EXD3: variants seen among roughly 807,000 people sequenced by gnomAD.
The protein encoded by EXD3 is exonuclease mut-7 homolog.
A neutral mutation model predicts 98.0 loss-of-function variants in EXD3; 92 were observed. The ratio of observed to expected loss-of-function variants is 0.94; its 90% CI spans 0.79 to 1.12. The LOEUF (loss-of-function observed/expected upper bound fraction) is 1.12. Ranked by LOEUF, EXD3 falls within the 50% of genes most tolerant of loss-of-function variation. EXD3 has a pLI of 0.00. For synonymous variants in EXD3, 569 were observed against 526.0 expected, an observed-to-expected ratio of 1.08 and a Z score of -1.12; for missense variants, 1,222 against 1,191.6, an observed-to-expected ratio of 1.03 and a Z score of -0.38.
chr9:137,419,719 T>G (rs529932408), intron 1 of EXD3, among the ~76,000 whole-genome samples: 2 of 152,150 alleles, frequency 1.3e-5, no homozygotes, highest in African/African-American at 4.8e-5. Flanking sequence ...AAATTTGCAT[T>G]TTCTTCAAGG....
chr9:137,368,832 C>T (rs1157025949), intron 5 of EXD3, among the ~76,000 whole-genome samples: 1 of 151,760 alleles, frequency 6.6e-6, no homozygotes, highest in Non-Finnish European at 1.5e-5. Flanking sequence ...CCACCAGGCC[C>T]ATGGGGCGCA....
At chr9:137,338,892 CAAAAAAAA>C (rs766408966) in intron 17 of EXD3, among the ~76,000 whole-genome samples, 1 of 63,552 alleles carries the variant, frequency 1.6e-5, no homozygotes, top group African/African-American at 4.9e-5. Flanking sequence ...GACTCCATCT[CAAAAAAAA>C]AAAAAAAAAG....
At chr9:137,318,599 C>T (rs1377470632) in intron 19 of EXD3, among the ~76,000 whole-genome samples, 1 of 152,122 alleles carries the variant, frequency 6.6e-6, no homozygotes, top group African/African-American at 2.4e-5. Context: ...TGGTAGACGG[C>T]ACTGGGAACG....
chr9:137,318,945 C>T (rs986821284), intron 19 of EXD3, among the ~76,000 whole-genome samples: 1 of 152,274 alleles, frequency 6.6e-6, no homozygotes, highest in African/African-American at 2.4e-5. Flanking sequence ...GAGAGCACCC[C>T]AGCCTCGCTC....
chr9:137,312,016 G>A (rs568366716), intron 19 of EXD3, among the ~76,000 whole-genome samples: 2 of 152,302 alleles, frequency 1.3e-5, no homozygotes, highest in Admixed American at 6.5e-5. Context: ...AGGGGCTTCT[G>A]AGGGCTTGCT....
Position 137,349,181 on chromosome 9 carries a change from G to A in EXD3, c.1759C>T (p.His587Tyr), listed in dbSNP as rs764774878. 6.3e-7 allele frequency: 1 copy of A among 1,592,378 alleles called. No individual in the cohort carries two copies. Among genetic ancestry groups the A allele is most frequent in the South Asian group, 1.1e-5 (1 of 89,302 alleles). ...TTCCGTGCCCCTGGTCTCTCTCTGT[G>A]CCTGGGCCTCCGGCTCCCAGCCAGG... ...EDLAGSRRPR[H>Y]RERPGARKPP... Residue 587 changes from histidine (H) to tyrosine (Y), a missense_variant, in exon 16 of 22, where the codon CAC becomes TAC. Coordinates refer to ENST00000340951, the MANE Select transcript of EXD3 (RefSeq NM_017820.5). The surrounding 1 kb of genome is among the most constrained non-coding windows in gnomAD (Gnocchi z 7.4).
At chr9:137,314,825 T>G (rs1831556301) in intron 19 of EXD3, among the ~76,000 whole-genome samples, 2 of 152,062 alleles carry the variant, frequency 1.3e-5, no homozygotes, top group Non-Finnish European at 2.9e-5. Context: ...GCCAGGGCCC[T>G]GAGTGTGGGA....
At chr9:137,353,454 G>C in intron 10 of EXD3, 1 of 985,346 alleles carries the variant, frequency 1.0e-6, no homozygotes, top group Non-Finnish European at 1.2e-6. Context: ...CTCATTATGT[G>C]GGGTTTGGCT....
At chr9:137,362,871 C>A (rs375384103) in intron 7 of EXD3, among the ~76,000 whole-genome samples, 2 of 152,098 alleles carry the variant, frequency 1.3e-5, no homozygotes, top group African/African-American at 2.4e-5. Context: ...AGTGCAATGG[C>A]GCAATCTCGG....
At chr9:137,348,999 C>A in intron 16 of EXD3, 111 bp downstream of exon 16, 1 of 1,304,832 alleles carries the variant, frequency 7.7e-7, no homozygotes, top group Non-Finnish European at 1.0e-6. Flanking sequence ...GCTGGGCCCC[C>A]TCCACACGCT....
intron 6 of EXD3, among the ~76,000 whole-genome samples, chr9:137,367,374 C>T (rs893091216): frequency 6.6e-6 from 1 of 152,162 alleles, no homozygotes; most frequent in African/African-American, 2.4e-5. Flanking sequence ...AGGATGCGTC[C>T]CGTCCCCACC....
intron 17 of EXD3, chr9:137,345,780 A>G (rs1330137208): frequency 6.6e-6 from 1 of 152,134 alleles, no homozygotes; most frequent in Non-Finnish European, 1.5e-5. Flanking sequence ...GCATGAATCT[A>G]TGTCTGCCTC....
intron 17 of EXD3, among the ~76,000 whole-genome samples, chr9:137,330,654 G>A (rs1007572154): frequency 6.6e-6 from 1 of 152,076 alleles, no homozygotes; most frequent in Non-Finnish European, 1.5e-5. Context: ...AGCTACACAG[G>A]ACTGATGGAC....
intron 17 of EXD3, among the ~76,000 whole-genome samples, chr9:137,345,565 G>A (rs1243075461): frequency 1.3e-5 from 2 of 150,824 alleles, no homozygotes; most frequent in African/African-American, 4.9e-5. Flanking sequence ...AGGAGGCTTA[G>A]ACAGGAGAAT....
At chr9:137,335,093 A>C (rs542458851) in intron 17 of EXD3, among the ~76,000 whole-genome samples, 4 of 151,930 alleles carry the variant, frequency 2.6e-5, no homozygotes, top group South Asian at 2.1e-4. Context: ...AAAAAAAAAA[A>C]CAAACAAAAT....
chr9:137,346,193 C>T (rs201988220), intron 17 of EXD3, among the ~76,000 whole-genome samples: 3 of 127,050 alleles, frequency 2.4e-5, no homozygotes, highest in East Asian at 2.2e-4. Context: ...GAGCCGAGAT[C>T]GCACCACTGC....
chr9:137,418,942 T>C (rs1435012257), intron 1 of EXD3, among the ~76,000 whole-genome samples: 1 of 152,238 alleles, frequency 6.6e-6, no homozygotes, highest in Non-Finnish European at 1.5e-5. Context: ...TACAGTGACC[T>C]GTGGTCCTAT....
At chr9:137,321,766 C>G (rs571736789) in intron 19 of EXD3, among the ~76,000 whole-genome samples, 1 of 152,208 alleles carries the variant, frequency 6.6e-6, no homozygotes, top group Non-Finnish European at 1.5e-5. Context: ...TGATGTGGCC[C>G]TAACTGCGGA....
chr9:137,399,756 A>G (rs1412568518), intron 1 of EXD3, among the ~76,000 whole-genome samples: 1 of 152,146 alleles, frequency 6.6e-6, no homozygotes, highest in Admixed American at 6.5e-5. Context: ...AGAAAATGAG[A>G]GCCGGGTACA....
Sources: gnomAD v4.1 joint callset for allele counts (sites outside exome capture counted in the v4.1 genomes callset) on GRCh38, gnomAD v4.1.1 for gene constraint, Gnocchi (gnomAD v3.1) non-coding constraint, MANE v1.5 for transcripts, NCBI Gene and HGNC (gene_info 2026-07-23, HGNC 2026-07-21) for gene names.